The following KCNIP4 variants were observed in gnomAD, a reference collection of about 807,000 sequenced individuals.
The protein encoded by KCNIP4 is potassium voltage-gated channel interacting protein 4.
Under a neutral mutation model 34.0 loss-of-function variants are expected in KCNIP4, and 12 were observed. The ratio of observed to expected loss-of-function variants is 0.35; its 90% confidence interval spans 0.23 to 0.57. The LOEUF (loss-of-function observed/expected upper bound fraction) is 0.57, where lower values mean the gene tolerates loss of function less well. Ranked by LOEUF, KCNIP4 falls within the 20% of genes least tolerant of loss-of-function variation. The pLI, the probability that KCNIP4 is intolerant of heterozygous loss-of-function variation, is 0.83. For missense variants in KCNIP4, 238 were observed against 311.7 expected, an observed-to-expected ratio of 0.76 and a Z score of 1.78; for synonymous variants, 124 against 102.2, an observed-to-expected ratio of 1.21 and a Z score of -1.29.
intron 1 of KCNIP4, among the ~76,000 whole-genome samples, chr4:21,881,216 G>A (rs1228738034): frequency 2.0e-5 from 3 of 151,974 alleles, no homozygotes; most frequent in Non-Finnish European, 2.9e-5. Flanking sequence ...GCTGTCATTT[G>A]TTTTCCGCTA....
rs562498779 is a variant in KCNIP4 at position 21,773,739 on chromosome 4, T to G, written c.61+174832A>C. The stretch of plus-strand genomic sequence containing the variant: ...ACTAGCATTGCAACCCCTGTTTTTT[T>G]TTGTTGTTTTTTTTTTTTTGTTTGT... On this transcript the variant is annotated intron_variant, in intron 1 of 8. Coordinates refer to ENST00000382152, the MANE Select transcript of KCNIP4 (RefSeq NM_025221.6). Among the ~76,000 whole-genome samples, 10 of 21,068 alleles carry G rather than the reference T, an allele frequency of 4.7e-4. 2 individuals carry two copies. The highest frequency in any genetic ancestry group is 3.5e-3 in the African/African-American group (10 of 2,894). 13.8% of individuals were successfully genotyped at this position (21,068 alleles called of 152,430 possible). A position where few individuals can be genotyped will look rare whatever the true frequency, so the allele number is the denominator to read the frequency against.
intron 1 of KCNIP4, among the ~76,000 whole-genome samples, chr4:21,109,351 C>CAA (rs1352115966): frequency 9.2e-5 from 14 of 152,262 alleles, no homozygotes; most frequent in Non-Finnish European, 2.1e-4. Flanking sequence ...AGTTTGATCT[C>CAA]AGACTGCTGT....
At chr4:21,486,399 A>G (rs1731917159) in intron 1 of KCNIP4, among the ~76,000 whole-genome samples, 1 of 152,160 alleles carries the variant, frequency 6.6e-6, no homozygotes, top group Non-Finnish European at 1.5e-5. Context: ...AATATGTGAG[A>G]TACCCTGAAC....
intron 1 of KCNIP4, among the ~76,000 whole-genome samples, chr4:21,406,193 C>T (rs879126475): frequency 6.6e-6 from 1 of 152,158 alleles, no homozygotes; most frequent in African/African-American, 2.4e-5. Flanking sequence ...AAAGTCAATG[C>T]TTCTCGGCCT....
chr4:20,876,900 A>C (rs909357073), intron 2 of KCNIP4, among the ~76,000 whole-genome samples: 2 of 152,132 alleles, frequency 1.3e-5, no homozygotes, highest in Admixed American at 6.5e-5. Flanking sequence ...GAGGAGTGTG[A>C]CTCTAAGTCT....
chr4:21,822,726 T>TG (rs1722431192), intron 1 of KCNIP4, among the ~76,000 whole-genome samples: 2 of 151,380 alleles, frequency 1.3e-5, no homozygotes, highest in African/African-American at 4.8e-5. Flanking sequence ...TTCCTTTTTT[T>TG]TTTTTTTTTG....
chr4:21,690,434 A>T (rs1751182413), intron 1 of KCNIP4, among the ~76,000 whole-genome samples: 1 of 152,144 alleles, frequency 6.6e-6, no homozygotes, highest in Non-Finnish European at 1.5e-5. Context: ...TAGATCCCTC[A>T]TGAATGGCTT....
At chr4:20,824,678 CA>C (rs757408314) in intron 3 of KCNIP4, among the ~76,000 whole-genome samples, 4 of 151,604 alleles carry the variant, frequency 2.6e-5, no homozygotes, top group African/African-American at 7.3e-5. Flanking sequence ...GACTCCATCT[CA>C]AAAAAAATGT....
At chr4:21,589,868 A>T (rs1270206815) in intron 1 of KCNIP4, among the ~76,000 whole-genome samples, 2 of 151,978 alleles carry the variant, frequency 1.3e-5, no homozygotes, top group African/African-American at 4.8e-5. Context: ...ATATTTGTTA[A>T]ATAGTTGAAG....
intron 1 of KCNIP4, among the ~76,000 whole-genome samples, chr4:21,131,742 T>G: frequency 6.6e-6 from 1 of 152,258 alleles, no homozygotes; most frequent in East Asian, 1.9e-4. Flanking sequence ...GTGTCCAGTT[T>G]ATTAGAAATA....
intron 1 of KCNIP4, among the ~76,000 whole-genome samples, chr4:21,726,570 A>T (rs1715211570): frequency 6.6e-6 from 1 of 152,156 alleles, no homozygotes; most frequent in African/African-American, 2.4e-5. Context: ...GGCCAGCAAC[A>T]ATTTGAGTCC....
intron 1 of KCNIP4, among the ~76,000 whole-genome samples, chr4:21,707,896 A>T (rs16871711): frequency 6.6e-6 from 1 of 150,988 alleles, no homozygotes; most frequent in Admixed American, 6.6e-5. Flanking sequence ...CCAATATTCC[A>T]TAAAATTAGG....
intron 1 of KCNIP4, among the ~76,000 whole-genome samples, chr4:21,129,644 A>C (rs1750908080): frequency 6.6e-6 from 1 of 152,228 alleles, no homozygotes; most frequent in Non-Finnish European, 1.5e-5. Context: ...ACTTGCTTTT[A>C]AAATGATGAA....
intron 1 of KCNIP4, among the ~76,000 whole-genome samples, chr4:21,488,527 T>C (rs1732107675): frequency 6.6e-6 from 1 of 152,072 alleles, no homozygotes; most frequent in African/African-American, 2.4e-5. Context: ...AGAATATGCA[T>C]ATGGCTAAAA....
intron 1 of KCNIP4, among the ~76,000 whole-genome samples, chr4:21,419,679 A>C (rs1324794426): frequency 6.6e-6 from 1 of 152,096 alleles, no homozygotes; most frequent in African/African-American, 2.4e-5. Context: ...AAAGCATAGG[A>C]GGAAAAGTAA....
chr4:21,525,764 C>T (rs1735919911), intron 1 of KCNIP4, among the ~76,000 whole-genome samples: 1 of 152,034 alleles, frequency 6.6e-6, no homozygotes, highest in Admixed American at 6.6e-5. Flanking sequence ...TTAAGTGATG[C>T]ACTCTTTATA....
chr4:21,493,495 T>C (rs1732583830), intron 1 of KCNIP4, among the ~76,000 whole-genome samples: 2 of 152,214 alleles, frequency 1.3e-5, no homozygotes, highest in Admixed American at 6.5e-5. Flanking sequence ...TATGCTTACA[T>C]GCATTTGTAC....
intron 1 of KCNIP4, among the ~76,000 whole-genome samples, chr4:21,393,126 T>C (rs1418935295): frequency 6.6e-6 from 1 of 152,192 alleles, no homozygotes; most frequent in Non-Finnish European, 1.5e-5. Context: ...TAGGTGGACA[T>C]GTGACTATAA....
chr4:21,793,654 C>A (rs28405202), intron 1 of KCNIP4, among the ~76,000 whole-genome samples: 3 of 152,264 alleles, frequency 2.0e-5, no homozygotes, highest in Middle Eastern at 3.4e-3. Context: ...ATAAATACCA[C>A]CTGAATCCTC....
Sources: allele counts gnomAD v4.1 joint callset (sites outside exome capture counted in the v4.1 genomes callset), GRCh38; gene constraint gnomAD v4.1.1; transcripts MANE v1.5; gene names NCBI Gene and HGNC (gene_info 2026-07-23, HGNC 2026-07-21).